The following PLA2G5 variants were observed in gnomAD, a reference collection of about 807,000 sequenced individuals.
The protein encoded by PLA2G5 is Ca2+-dependent phospholipase A2.
In PLA2G5, 12 loss-of-function variants were observed where a neutral mutation model predicts 15.9. That is an observed-to-expected ratio of 0.76 (90% CI 0.48 to 1.23). The LOEUF is 1.23. Ranked by LOEUF, PLA2G5 falls within the 50% of genes most tolerant of loss-of-function variation. The probability of loss-of-function intolerance (pLI) is 0.00; values close to 1 mark genes in which losing one functional copy is unlikely to be tolerated. For missense variants in PLA2G5, 169 were observed against 177.1 expected (o/e 0.95, Z 0.26); for synonymous variants, 71 against 71.4 (o/e 0.99, Z 0.03).
chr1:20,029,738 ATAGT>A (rs2012812169), intron 1 of PLA2G5, among the ~76,000 whole-genome samples: 1 of 152,188 alleles, frequency 6.6e-6, no homozygotes, highest in Non-Finnish European at 1.5e-5. Context: ...GATGATGTGT[ATAGT>A]TAGTCTGGTG....
At chr1:20,034,420 T>C (rs925021952) in intron 1 of PLA2G5, among the ~76,000 whole-genome samples, 1 of 152,144 alleles carries the variant, frequency 6.6e-6, no homozygotes, top group Non-Finnish European at 1.5e-5. Flanking sequence ...GATAGGGGAA[T>C]ATGGGAGACT....
Position 20,086,195 on chromosome 1 carries a change from C to A in PLA2G5, c.153C>A (p.Gly51=). 6.2e-7 allele frequency: 1 copy of A among 1,614,072 alleles called. No individual in the cohort carries two copies. The highest frequency in any genetic ancestry group is 8.5e-7 in the Non-Finnish European group (1 of 1,179,976). Residue 51 remains glycine (G), a synonymous_variant, in exon 3 of 5, where the codon GGC becomes GGA. Coordinates refer to ENST00000375108, the MANE Select transcript of PLA2G5 (RefSeq NM_000929.3). ...TCTACGGCTGTTACTGCGGCTGGGGCGGCCGAGGAACCCCCAAGGATGGCA... is the reference window on the plus strand; with the variant it reads ...TCTACGGCTGTTACTGCGGCTGGGGAGGCCGAGGAACCCCCAAGGATGGCA... ...YGFYGCYCGW[G]GRGTPKDGTD...
chr1:20,090,975 T>C lies in PLA2G5; in HGVS notation c.*283T>C. 1 of 329,912 alleles carries C rather than the reference T, an allele frequency of 3.0e-6. No individual in the cohort carries two copies. The highest frequency in any genetic ancestry group is 5.6e-6 in the Non-Finnish European group (1 of 178,860). The allele number at this position is 329,912 out of a possible 1,614,324, so 20.4% of individuals were successfully genotyped here. A position where few individuals can be genotyped will look rare whatever the true frequency, so the allele number is the denominator to read the frequency against. The stretch of plus-strand genomic sequence containing the variant: ...CCTCCAACTCAGGGTTGGCTGTGTC[T>C]CTTTTCTTCTCTGAAGACAGCGTCC... On this transcript the variant is annotated 3_prime_UTR_variant, in exon 5 of 5. Transcript: ENST00000375108.
At chr1:20,077,632 C>T (rs946196944) in intron 1 of PLA2G5, among the ~76,000 whole-genome samples, 1 of 152,144 alleles carries the variant, frequency 6.6e-6, no homozygotes, top group Non-Finnish European at 1.5e-5. Flanking sequence ...GGCACTGTCC[C>T]GGGCCGTTCT....
At chr1:20,073,622 C>T (rs1194073004) in intron 1 of PLA2G5, among the ~76,000 whole-genome samples, 1 of 152,166 alleles carries the variant, frequency 6.6e-6, no homozygotes, top group South Asian at 2.1e-4. Flanking sequence ...GTGGCTGACA[C>T]CTGTGACCCC....
chr1:20,053,960 C>T (rs2014307699), intron 1 of PLA2G5, among the ~76,000 whole-genome samples: 1 of 152,144 alleles, frequency 6.6e-6, no homozygotes, highest in South Asian at 2.1e-4. Flanking sequence ...TTTTCAGAAA[C>T]TTAAAATTTA....
intron 1 of PLA2G5, among the ~76,000 whole-genome samples, chr1:20,075,293 A>G (rs1378755062): frequency 2.6e-5 from 4 of 152,182 alleles, no homozygotes; most frequent in Non-Finnish European, 5.9e-5. Context: ...TTTGTGACCT[A>G]CCCAGCTCCA....
intron 1 of PLA2G5, among the ~76,000 whole-genome samples, chr1:20,074,587 G>A (rs1230552860): frequency 1.3e-5 from 2 of 152,182 alleles, no homozygotes; most frequent in Admixed American, 6.5e-5. Context: ...GAAGTCGAGC[G>A]GGGGCATATC....
chr1:20,038,226 G>A (rs763981783), intron 1 of PLA2G5, among the ~76,000 whole-genome samples: 19 of 152,046 alleles, frequency 1.2e-4, no homozygotes, highest in Admixed American at 5.2e-4. Context: ...CCCTGACTGC[G>A]GTGGATTCTG....
exon 2 of PLA2G5, chr1:20,059,656 T>C (rs1259501466): frequency 1.3e-5 from 2 of 152,214 alleles, no homozygotes; most frequent in African/African-American, 4.8e-5. Context: ...CTGCAGAGGC[T>C]GGAAAGGCAA....
At chr1:20,029,439 G>T (rs1338749631) in intron 1 of PLA2G5, among the ~76,000 whole-genome samples, 1 of 151,186 alleles carries the variant, frequency 6.6e-6, no homozygotes, top group Non-Finnish European at 1.5e-5. Context: ...CCAGCTGCCT[G>T]TGTGTTCTTC....
chr1:20,066,189 C>T (rs2015016746), upstream of PLA2G5: 1 of 152,192 alleles, frequency 6.6e-6, no homozygotes, highest in Non-Finnish European at 1.5e-5. Context: ...AATGTGTTTT[C>T]ATATGCTTAA....
chr1:20,032,982 A>AT (rs1379077926), intron 1 of PLA2G5, among the ~76,000 whole-genome samples: 1 of 152,208 alleles, frequency 6.6e-6, no homozygotes, highest in Non-Finnish European at 1.5e-5. Context: ...GCCATTTCCT[A>AT]TGGGGATTCC....
chr1:20,082,148 G>GAAGTA lies in PLA2G5; in HGVS notation c.-10-2667_-10-2663dup, dbSNP rs1431838989. Among the ~76,000 whole-genome samples, 210 of 152,090 alleles carry GAAGTA rather than the reference G, an allele frequency of 1.4e-3. 7 individuals carry two copies. The highest frequency in any genetic ancestry group is 4.8e-3 in the African/African-American group (199 of 41,336). On this transcript the variant is annotated intron_variant, in intron 1 of 4. Coordinates refer to ENST00000375108, the MANE Select transcript of PLA2G5 (RefSeq NM_000929.3). ...AAAAGCTTTAGAGCAGGGATGAAAA[G>GAAGTA]AAGTAAAGTACACTTGGAAGAGGGG...
chr1:20,070,258 G>A lies in PLA2G5; in HGVS notation c.-218G>A, dbSNP rs771337394. 27 of 985,402 alleles carry A rather than the reference G, an allele frequency of 2.7e-5. No homozygotes were observed. Among genetic ancestry groups the A allele is most frequent in the Admixed American group, 6.1e-5 (1 of 16,262 alleles). 61.0% of individuals were successfully genotyped at this position (985,402 alleles called of 1,614,324 possible). On this transcript the variant is annotated 5_prime_UTR_variant, in exon 1 of 5. Transcript: ENST00000375108. ...GCAGAAGTTTTTCCTCCCCACCTCCGGGTTTGTCCTCATCATCGGTCACTC... is the reference window on the plus strand; with the variant it reads ...GCAGAAGTTTTTCCTCCCCACCTCCAGGTTTGTCCTCATCATCGGTCACTC...
At chr1:20,040,613 C>A (rs2013538923) in intron 1 of PLA2G5, among the ~76,000 whole-genome samples, 2 of 152,084 alleles carry the variant, frequency 1.3e-5, no homozygotes, top group South Asian at 4.1e-4. Flanking sequence ...CACAAACACT[C>A]ACACTCATTT....
intron 1 of PLA2G5, among the ~76,000 whole-genome samples, chr1:20,078,632 A>T (rs769097553): frequency 8.5e-5 from 13 of 152,166 alleles, no homozygotes; most frequent in Non-Finnish European, 1.5e-4. Context: ...CACGTAGTAG[A>T]CACTTCATAA....
intron 1 of PLA2G5, among the ~76,000 whole-genome samples, chr1:20,040,207 C>T (rs1379056083): frequency 6.6e-6 from 1 of 152,054 alleles, no homozygotes; most frequent in Admixed American, 6.6e-5. Flanking sequence ...ACTATATGTC[C>T]TTTGCTATAC....
chr1:20,066,832 C>T (rs747943075), upstream of PLA2G5, among the ~76,000 whole-genome samples: 1 of 152,100 alleles, frequency 6.6e-6, no homozygotes, highest in South Asian at 2.1e-4. Context: ...CATAGCAAGA[C>T]CTCATCTCTA....
Sources: gnomAD v4.1 joint callset for allele counts (sites outside exome capture counted in the v4.1 genomes callset) on GRCh38, gnomAD v4.1.1 for gene constraint, MANE v1.5 for transcripts, NCBI Gene and HGNC (gene_info 2026-07-23, HGNC 2026-07-21) for gene names.